Variants in SLC25A47 observed in about 807,000 individuals in gnomAD.
SLC25A47 encodes the protein HCC-down-regulated mitochondrial carrier protein.
In SLC25A47, 30 loss-of-function variants were observed where a neutral mutation model predicts 29.8. The observed-to-expected ratio is 1.01, with a 90% CI of 0.75 to 1.36. The LOEUF is 1.36. Ranked by LOEUF, SLC25A47 falls within the 40% of genes most tolerant of loss-of-function variation. The pLI, the probability that SLC25A47 is intolerant of heterozygous loss-of-function variation, is 0.00. For missense variants in SLC25A47, 430 were observed against 441.9 expected (o/e 0.97, Z 0.24); for synonymous variants, 204 against 197.8 (o/e 1.03, Z -0.26).
Position 100,328,867 on chromosome 14 carries a change from C to A in SLC25A47, c.469C>A (p.Pro157Thr), listed in dbSNP as rs148725599. Residue 157 changes from proline (P) to threonine (T), a missense_variant, in exon 5 of 6, where the codon CCC (proline) becomes ACC (threonine). Physicochemically the swap from Pro to Thr is conservative, Grantham distance 38. Transcript: ENST00000361529. ...MCPVPPACPE[P>T]KYRGPLHCLA... ...TCCTGTGCCCCCAGCCTGCCCAGAG[C>A]CCAAGTACCGCGGGCCACTGCACTG... The A allele has an allele frequency of 6.2e-7, 1 of 1,612,158 alleles. No homozygotes were observed. The highest frequency in any genetic ancestry group is 1.3e-5 in the African/African-American group (1 of 74,944).
chr14:100,328,701 A>G, intron 4 of SLC25A47, 25 bp from the exon 5 acceptor site: 4 of 1,611,318 alleles, frequency 2.5e-6, no homozygotes, highest in Non-Finnish European at 3.4e-6. Context: ...CAGGTGGCTG[A>G]CCCCTGCTTC....
Position 100,328,918 on chromosome 14 carries a change from G to T in SLC25A47, c.520G>T (p.Gly174Trp). 1 of 1,608,942 alleles carries T rather than the reference G, an allele frequency of 6.2e-7. No individual in the cohort carries two copies. The change falls in exon 5 of 6, where the codon GGG (glycine) becomes TGG (tryptophan). Residue 174 changes from glycine (G) to tryptophan (W), a missense_variant. Physicochemically the swap from Gly to Trp is radical, Grantham distance 184. Coordinates refer to ENST00000361529, the MANE Select transcript of SLC25A47 (RefSeq NM_207117.4). ...HCLATVAREE[G>W]LCGLYKGSSA... Reference sequence around the variant, plus strand: ...CCTGGCCACGGTAGCCCGTGAGGAGGGGCTGTGCGGCCTCTACAAGGGCAG... The same window carrying T: ...CCTGGCCACGGTAGCCCGTGAGGAGTGGCTGTGCGGCCTCTACAAGGGCAG...
intron 4 of SLC25A47, among the ~76,000 whole-genome samples, chr14:100,327,692 G>A (rs1336697511): frequency 9.2e-5 from 14 of 152,218 alleles, no homozygotes; most frequent in Non-Finnish European, 1.6e-4. Context: ...GGCAGGCCCC[G>A]GGCACTCATG....
chr14:100,325,700 C>A, intron 1 of SLC25A47, 88 bp from the exon 2 acceptor site: 1 of 1,385,664 alleles, frequency 7.2e-7, no homozygotes. Context: ...GCCCAGTCAG[C>A]GTGCGCTCTG....
At position 100,327,348 on chromosome 14, in the gene SLC25A47, G is replaced by A. The variant is rs748125531; in HGVS notation, c.305G>A (p.Gly102Glu). 3 of 1,599,690 alleles carry A rather than the reference G, an allele frequency of 1.9e-6. No homozygotes were observed. In the Admixed American group the frequency reaches 5.0e-5, roughly 27 times the overall value. ...ACCAAGGCCGACATCACGCTCTCGG[G>A]ATGCGCCTCCGGCCTCGTCCGCGTG... ...KPTKADITLSGCASGLVRVFL... is the reference protein window; with the variant it reads ...KPTKADITLSECASGLVRVFL... Residue 102 changes from glycine (G) to glutamate (E), a missense_variant, in exon 4 of 6, where the codon GGA becomes GAA. By Grantham distance (98) the Gly-to-Glu change is moderately conservative. Coordinates refer to ENST00000361529, the MANE Select transcript of SLC25A47 (RefSeq NM_207117.4).
chr14:100,329,001 G>T lies in SLC25A47; in HGVS notation c.603G>T (p.Ala201=), dbSNP rs8015259. 5.0e-6 allele frequency: 8 copies of T among 1,600,070 alleles called. No individual in the cohort carries two copies. The highest frequency in any genetic ancestry group is 2.2e-5 in the East Asian group (1 of 44,860). ...HSFATYFLSY[A]VLCEWLSPAG... Reference sequence around the variant, plus strand: ...TTGCCACCTACTTCCTTTCCTACGCGGTCCTCTGCGAGTGGCTCAGCCCCG... The same window carrying T: ...TTGCCACCTACTTCCTTTCCTACGCTGTCCTCTGCGAGTGGCTCAGCCCCG... The change falls in exon 5 of 6, where the codon GCG becomes GCT. Residue 201 remains alanine, a synonymous_variant. Coordinates refer to ENST00000361529, the MANE Select transcript of SLC25A47 (RefSeq NM_207117.4).
chr14:100,328,896 G>A lies in SLC25A47; in HGVS notation c.498G>A (p.Leu166=). The change falls in exon 5 of 6, where the codon CTG becomes CTA. Residue 166 remains leucine, a synonymous_variant. Coordinates refer to ENST00000361529, the MANE Select transcript of SLC25A47 (RefSeq NM_207117.4). ...EPKYRGPLHC[L]ATVAREEGLC... ...AGTACCGCGGGCCACTGCACTGCCT[G>A]GCCACGGTAGCCCGTGAGGAGGGGC... 1 of 1,611,218 alleles carries A rather than the reference G, an allele frequency of 6.2e-7. No individual in the cohort carries two copies. The highest frequency in any genetic ancestry group is 8.5e-7 in the Non-Finnish European group (1 of 1,179,818).
chr14:100,329,891 G>A lies in SLC25A47; in HGVS notation c.*246G>A, dbSNP rs1031845797. The stretch of plus-strand genomic sequence containing the variant: ...AGGGTGGCAGGAGCCAGGGAGGAGT[G>A]GGCCTCTTTGATGAGAGCGTTGAGT... On this transcript the variant is annotated 3_prime_UTR_variant, in exon 6 of 6. Transcript: ENST00000361529. 7 of 572,926 alleles carry A rather than the reference G, an allele frequency of 1.2e-5. No homozygotes were observed. The highest frequency in any genetic ancestry group is 5.6e-5 in the African/African-American group (3 of 53,358). The allele number at this position is 572,926 out of a possible 1,614,324, so 35.5% of individuals were successfully genotyped here.
At chr14:100,324,008 A>G (rs1327424364) in intron 1 of SLC25A47, among the ~76,000 whole-genome samples, 1 of 152,036 alleles carries the variant, frequency 6.6e-6, no homozygotes, top group Non-Finnish European at 1.5e-5. Flanking sequence ...GCTCCTGGTG[A>G]AAGACTGATT....
Position 100,323,344 on chromosome 14 carries a change from T to C in SLC25A47, c.-71T>C, listed in dbSNP as rs1893279453. The C allele has an allele frequency of 1.3e-6, 2 of 1,586,758 alleles. No homozygotes were observed. The highest frequency in any genetic ancestry group is 2.7e-5 in the African/African-American group (2 of 74,444). ...CTGAGAGGGGCCAGCTGGGAGCTGT[T>C]GAGGCCACCCTGGTGGCACCAAAGC... On this transcript the variant is annotated 5_prime_UTR_variant, in exon 1 of 6. Coordinates refer to ENST00000361529, the MANE Select transcript of SLC25A47 (RefSeq NM_207117.4).
intron 4 of SLC25A47, 119 bp downstream of exon 4, chr14:100,327,489 A>G (rs1566824794): frequency 1.7e-6 from 2 of 1,161,786 alleles, no homozygotes; most frequent in East Asian, 2.6e-5. Context: ...GAGGCCATGC[A>G]TGGAGTCAGG....
rs139570576 is a variant in SLC25A47, at chr14:100,326,200, G to A, written c.116G>A (p.Cys39Tyr). 265 of 1,613,866 alleles carry A rather than the reference G, an allele frequency of 1.6e-4. 2 individuals are homozygous for A. The African/African-American group carries it at 3.3e-3, about 20-fold the overall frequency. ...TEPKYTGIWH[C>Y]VRDTYHRERV... ...CCAAAGTACACAGGCATCTGGCACTGCGTCCGGGATACGTATCACCGAGAG... is the reference window on the plus strand; with the variant it reads ...CCAAAGTACACAGGCATCTGGCACTACGTCCGGGATACGTATCACCGAGAG... Residue 39 changes from cysteine (C) to tyrosine (Y), a missense_variant, in exon 3 of 6, where the codon TGC (cysteine) becomes TAC (tyrosine). Cys to Tyr is a radical substitution (Grantham distance 194). Transcript: ENST00000361529.
chr14:100,326,252 G>A, intron 3 of SLC25A47, 24 bp downstream of exon 3: 1 of 1,609,888 alleles, frequency 6.2e-7, no homozygotes, highest in Non-Finnish European at 8.5e-7. Flanking sequence ...CAGGGGCTGG[G>A]TAGGGAGACA....
At chr14:100,325,981 A>G in intron 2 of SLC25A47, 150 bp downstream of exon 2, 2 of 1,005,362 alleles carry the variant, frequency 2.0e-6, no homozygotes, top group South Asian at 1.6e-5. Context: ...TGTCAGTCCC[A>G]CTTTCTCACC....
rs10140039 is a variant in SLC25A47 at position 100,330,159 on chromosome 14, T to C, written c.*514T>C. On this transcript the variant is annotated 3_prime_UTR_variant, in exon 6 of 6. Coordinates refer to ENST00000361529, the MANE Select transcript of SLC25A47 (RefSeq NM_207117.4). ...GGCACCACGACTGAGGGCTCCCGGC[T>C]CGGCTTCTTCCCCACAGCAGGCTGC... 151,727 of 158,912 alleles carry C rather than the reference T, an allele frequency of 0.95. 72,816 individuals are homozygous for C. Among genetic ancestry groups the C allele is most frequent in the East Asian group, 1 (5,322 of 5,322 alleles). 9.8% of individuals were successfully genotyped at this position (158,912 alleles called of 1,614,324 possible).
intron 2 of SLC25A47, 112 bp downstream of exon 2, chr14:100,325,943 C>CA: frequency 1.6e-6 from 2 of 1,228,330 alleles, no homozygotes; most frequent in Non-Finnish European, 2.3e-6. Flanking sequence ...CAAATGCCTT[C>CA]AATGGCTCCC....
Position 100,329,923 on chromosome 14 carries a change from G to A in SLC25A47, c.*278G>A. The A allele has an allele frequency of 2.0e-6, 1 of 503,270 alleles. No homozygotes were observed. Among genetic ancestry groups the A allele is most frequent in the Non-Finnish European group, 3.6e-6 (1 of 280,256 alleles). 31.2% of individuals were successfully genotyped at this position (503,270 alleles called of 1,614,324 possible). Reference sequence around the variant, plus strand: ...TTTGATGAGAGCGTTGAGTTGCATGGAGTCGGTTGTTCATCCCAGCCTCCC... The same window carrying A: ...TTTGATGAGAGCGTTGAGTTGCATGAAGTCGGTTGTTCATCCCAGCCTCCC... On this transcript the variant is annotated 3_prime_UTR_variant, in exon 6 of 6. Transcript: ENST00000361529.
rs375381507 is a variant in SLC25A47 at position 100,327,142 on chromosome 14, C to T, written c.145-46C>T. The stretch of plus-strand genomic sequence containing the variant: ...TGAGTGTGGGCTCCCTCGGGTGGCT[C>T]CTCCTCCTGGCGGGGCCCTAGCCTG... On this transcript the variant is annotated intron_variant, in intron 3 of 5. Coordinates refer to ENST00000361529, the MANE Select transcript of SLC25A47 (RefSeq NM_207117.4). 2.9e-5 allele frequency: 45 copies of T among 1,541,140 alleles called. No individual in the cohort carries two copies. In the African/African-American group the frequency reaches 6.2e-4, roughly 21 times the overall value.
Position 100,329,967 on chromosome 14 carries a change from T to C in SLC25A47, c.*322T>C, listed in dbSNP as rs941962409. The C allele has an allele frequency of 4.4e-5, 17 of 388,004 alleles. No individual in the cohort carries two copies. The Admixed American group carries it at 6.8e-4, about 15-fold the overall frequency. The allele number at this position is 388,004 out of a possible 1,614,324, so 24.0% of individuals were successfully genotyped here. A position where few individuals can be genotyped will look rare whatever the true frequency, so the allele number is the denominator to read the frequency against. ...GCCTCCCCATGGCCCTCGCCTCCCA[T>C]GTCTTTGAAGCACCCCTCCAGGGAG... On this transcript the variant is annotated 3_prime_UTR_variant, in exon 6 of 6. Transcript: ENST00000361529.
Sources: allele counts gnomAD v4.1 joint callset (sites outside exome capture counted in the v4.1 genomes callset), GRCh38; gene constraint gnomAD v4.1.1; transcripts MANE v1.5; gene names NCBI Gene and HGNC (gene_info 2026-07-23, HGNC 2026-07-21).